PTBP1: variants seen among roughly 807,000 people sequenced by gnomAD.
The protein encoded by PTBP1 is polypyrimidine tract binding protein 1, also known as polypyrimidine tract-binding protein 1.
Under a neutral mutation model 59.8 loss-of-function variants are expected in PTBP1, and 8 were observed. The ratio of observed to expected loss-of-function variants is 0.13; its 90% CI spans 0.08 to 0.24. PTBP1 has a LOEUF of 0.24. Among genes scored for constraint, PTBP1 ranks in the 10% least tolerant of loss-of-function variants. The probability of loss-of-function intolerance (pLI) is 1.00; values close to 1 mark genes in which losing one functional copy is unlikely to be tolerated. For synonymous variants in PTBP1, 490 were observed against 320.7 expected, an observed-to-expected ratio of 1.53 and a Z score of -5.64; for missense variants, 686 against 767.0, an observed-to-expected ratio of 0.89 and a Z score of 1.25.
At chr19:801,361 G>A (rs2034326382) in intron 2 of PTBP1, among the ~76,000 whole-genome samples, 1 of 152,238 alleles carries the variant, frequency 6.6e-6, no homozygotes, top group African/African-American at 2.4e-5. Flanking sequence ...GCTGAGCCAA[G>A]CCGGCCTGTG....
At chr19:800,337 C>T (rs999119325) in intron 2 of PTBP1, among the ~76,000 whole-genome samples, 6 of 151,950 alleles carry the variant, frequency 3.9e-5, no homozygotes, top group Non-Finnish European at 7.4e-5. Context: ...CTGGGGTGTG[C>T]GAATCTTGCA....
Position 811,739 on chromosome 19 carries a change from G to A in PTBP1, c.*913G>A, listed in dbSNP as rs1022676105. ...CTTAGAGCCCCTGAGCTTCAGGGAA[G>A]GGGCGGGCGTGTCGCCGCCTCTGGC... is the stretch of plus-strand genomic sequence containing the variant. On this transcript the variant is annotated 3_prime_UTR_variant, in exon 15 of 15. Coordinates refer to ENST00000356948, the MANE Select transcript of PTBP1 (RefSeq NM_002819.5). 1.3e-4 allele frequency: 20 copies of A among 152,436 alleles called. No individual in the cohort carries two copies. The allele number at this position is 152,436 out of a possible 1,614,324, so 9.4% of individuals were successfully genotyped here. A position where few individuals can be genotyped will look rare whatever the true frequency, so the allele number is the denominator to read the frequency against.
At position 799,399 on chromosome 19, in the gene PTBP1, C is replaced by CT; in HGVS notation, c.9-11dup. On this transcript the variant is annotated splice_polypyrimidine_tract_variant and intron_variant, in intron 1 of 14. Coordinates refer to ENST00000356948, the MANE Select transcript of PTBP1 (RefSeq NM_002819.5). ...CCACCAGGCTAACGTTGTCTCCTTT[C>CT]TTTCTCTCTACAGCATTGTCCCAGA... 1 of 1,613,792 alleles carries CT rather than the reference C, an allele frequency of 6.2e-7. No homozygotes were observed. The highest frequency in any genetic ancestry group is 2.2e-5 in the East Asian group (1 of 44,890).
chr19:810,860 A>G lies in PTBP1; in HGVS notation c.*34A>G. On this transcript the variant is annotated 3_prime_UTR_variant, in exon 15 of 15. Coordinates refer to ENST00000356948, the MANE Select transcript of PTBP1 (RefSeq NM_002819.5). The stretch of plus-strand genomic sequence containing the variant: ...GCCCCCACGGCCGGGCCCCCTGGCG[A>G]CAACTTCCATCATTCCAGAGAAAAG... 6.7e-7 allele frequency: 1 copy of G among 1,501,270 alleles called. No individual in the cohort carries two copies. The highest frequency in any genetic ancestry group is 8.8e-7 in the Non-Finnish European group (1 of 1,132,702). The allele number at this position is 1,501,270 out of a possible 1,614,324, so 93.0% of individuals were successfully genotyped here.
rs758317861 is a variant in PTBP1 at position 806,510 on chromosome 19, C to G, written c.1073C>G (p.Ala358Gly). Residue 358 changes from alanine (A) to glycine (G), a missense_variant, in exon 10 of 15, where the codon GCG becomes GGG. Transcript: ENST00000356948. ...AAGRIAIPGL[A>G]GAGNSVLLVS... The stretch of plus-strand genomic sequence containing the variant: ...GGTCGGATCGCCATCCCGGGCCTGG[C>G]GGGGGCAGGAAATTCTGTATTGCTG... 1.3e-6 allele frequency: 2 copies of G among 1,567,096 alleles called. No individual in the cohort carries two copies. Among genetic ancestry groups the G allele is most frequent in the Non-Finnish European group, 1.7e-6 (2 of 1,159,628 alleles).
rs373822736 is a variant in PTBP1, at chr19:804,817, C to T, written c.607-12C>T. 157 of 1,611,946 alleles carry T rather than the reference C, an allele frequency of 9.7e-5. No homozygotes were observed. Among genetic ancestry groups the T allele is most frequent in the South Asian group, 7.4e-4 (67 of 91,044 alleles). On this transcript the variant is annotated splice_polypyrimidine_tract_variant and intron_variant, in intron 6 of 14. Transcript: ENST00000356948. ...CCGGGCAGGAGCTCATGCTGTGGCC[C>T]GGGACCTGCAGATTTTCTCCAAGTT... is the stretch of plus-strand genomic sequence containing the variant.
rs144071881 is a variant in PTBP1, at chr19:810,597, C to A, written c.1518C>A (p.Val506=). The A allele has an allele frequency of 1.1e-5, 17 of 1,613,732 alleles. No homozygotes were observed. In the East Asian group the frequency reaches 3.6e-4, roughly 34 times the overall value. ...TCCTGTTTTCCAGCAATGGGGGCGT[C>A]GTCAAAGGATTCAAGTTCTTCCAGT... is the stretch of plus-strand genomic sequence containing the variant. ...LKVLFSSNGG[V]VKGFKFFQKD... Residue 506 remains valine, a synonymous_variant, in exon 14 of 15, where the codon GTC becomes GTA. Coordinates refer to ENST00000356948, the MANE Select transcript of PTBP1 (RefSeq NM_002819.5).
chr19:798,867 G>A (rs1306743016), intron 1 of PTBP1, among the ~76,000 whole-genome samples: 1 of 152,262 alleles, frequency 6.6e-6, no homozygotes, highest in Non-Finnish European at 1.5e-5. Flanking sequence ...AACTGAGGCT[G>A]TGTTCTGGTC....
intron 1 of PTBP1, 78 bp downstream of exon 1, chr19:797,583 G>C (rs2034125718): frequency 2.8e-6 from 3 of 1,068,330 alleles, no homozygotes; most frequent in Non-Finnish European, 3.6e-6. Context: ...CGGCCTCCCC[G>C]GGGCCGATCT....
intron 9 of PTBP1, chr19:806,056 A>C: frequency 7.8e-6 from 2 of 256,130 alleles, no homozygotes; most frequent in Non-Finnish European, 1.5e-5. Flanking sequence ...CCTCGTCTGC[A>C]TGGAGGCATG....
intron 2 of PTBP1, among the ~76,000 whole-genome samples, chr19:801,366 C>T (rs2034326951): frequency 6.6e-6 from 1 of 152,244 alleles, no homozygotes; most frequent in African/African-American, 2.4e-5. Flanking sequence ...GCCAAGCCGG[C>T]CTGTGCCGCC....
chr19:809,876 G>A (rs1275156318), intron 13 of PTBP1, among the ~76,000 whole-genome samples: 5 of 152,152 alleles, frequency 3.3e-5, no homozygotes, highest in Non-Finnish European at 7.3e-5. Flanking sequence ...ACTCCAGGCT[G>A]GGCGGCAGAG....
rs79381913 is a variant in PTBP1 at position 806,107 on chromosome 19, C to A, written c.971-301C>A. The A allele has an allele frequency of 2.9e-3, 946 of 330,500 alleles. 8 individuals carry two copies. The highest frequency in any genetic ancestry group is 0.019 in the African/African-American group (854 of 45,996). 20.5% of individuals were successfully genotyped at this position (330,500 alleles called of 1,614,324 possible). On this transcript the variant is annotated intron_variant, in intron 9 of 14. Coordinates refer to ENST00000356948, the MANE Select transcript of PTBP1 (RefSeq NM_002819.5). ...TGGTCCCGGGACGGGCCCTGCTTGCCGAGGGCCCCGTGTCTGTGCTGGCGG... is the reference window on the plus strand; with the variant it reads ...TGGTCCCGGGACGGGCCCTGCTTGCAGAGGGCCCCGTGTCTGTGCTGGCGG...
rs760385060 is a variant in PTBP1, at chr19:810,587, A to G, written c.1508A>G (p.Asn503Ser). 5 of 1,613,592 alleles carry G rather than the reference A, an allele frequency of 3.1e-6. No homozygotes were observed. The highest frequency in any genetic ancestry group is 2.2e-5 in the East Asian group (1 of 44,810). Reference protein sequence around the residue: ...EEDLKVLFSSNGGVVKGFKFF... With the variant: ...EEDLKVLFSSSGGVVKGFKFF... ...GATCTCAAGGTCCTGTTTTCCAGCA[A>G]TGGGGGCGTCGTCAAAGGATTCAAG... Residue 503 changes from asparagine to serine, a missense_variant, in exon 14 of 15, where the codon AAT becomes AGT. By Grantham distance (46) the Asn-to-Ser change is conservative. Coordinates refer to ENST00000356948, the MANE Select transcript of PTBP1 (RefSeq NM_002819.5).
intron 10 of PTBP1, chr19:807,638 G>A: frequency 2.1e-6 from 1 of 479,810 alleles, no homozygotes; most frequent in Middle Eastern, 5.3e-4. Context: ...TCCTGTTGTT[G>A]CTTGAAACAA....
In PTBP1 at chr19:805,075, C is replaced by A. The variant is rs750159295; in HGVS notation, c.780C>A (p.Leu260=). The stretch of plus-strand genomic sequence containing the variant: ...CGCTGCGCATCGACTTTTCCAAGCT[C>A]ACCAGCCTCAACGTCAAGTACAACA... ...CCTLRIDFSK[L]TSLNVKYNND... The change falls in exon 8 of 15, where the codon CTC becomes CTA. Residue 260 remains leucine, a synonymous_variant. Transcript: ENST00000356948. 2.5e-6 allele frequency: 4 copies of A among 1,613,776 alleles called. No individual in the cohort carries two copies. The highest frequency in any genetic ancestry group is 2.5e-6 in the Non-Finnish European group (3 of 1,179,882).
chr19:805,214 G>A (rs763604625), intron 8 of PTBP1, 27 bp downstream of exon 8: 3 of 1,610,348 alleles, frequency 1.9e-6, no homozygotes, highest in Non-Finnish European at 2.5e-6. Context: ...CGCGGCGCCA[G>A]TGTGCAGAGT....
intron 2 of PTBP1, among the ~76,000 whole-genome samples, chr19:801,855 C>G (rs761117156): frequency 6.6e-6 from 1 of 152,152 alleles, no homozygotes; most frequent in Non-Finnish European, 1.5e-5. Flanking sequence ...CGCAGCCCCG[C>G]CTTGTGCTCA....
At chr19:800,347 A>T (rs1271317802) in intron 2 of PTBP1, among the ~76,000 whole-genome samples, 1 of 152,196 alleles carries the variant, frequency 6.6e-6, no homozygotes, top group Non-Finnish European at 1.5e-5. Context: ...CGAATCTTGC[A>T]GCCCCATGGA....
Sources: gnomAD v4.1 joint callset for allele counts (sites outside exome capture counted in the v4.1 genomes callset) on GRCh38, gnomAD v4.1.1 for gene constraint, MANE v1.5 for transcripts, NCBI Gene and HGNC (gene_info 2026-07-23, HGNC 2026-07-21) for gene names.